TPMT: variants seen among roughly 807,000 people sequenced by gnomAD.
TPMT encodes S-adenosyl-L-methionine:thiopurine S-methyltransferase.
TPMT carries 18 observed loss-of-function variants against 34.2 expected under a neutral mutation model. That is an observed-to-expected ratio of 0.53 (90% CI 0.36 to 0.78). TPMT has a LOEUF of 0.78. Among genes scored for constraint, TPMT ranks in the 30% least tolerant of loss-of-function variants. The pLI, the probability that TPMT is intolerant of heterozygous loss-of-function variation, is 0.00. For synonymous variants in TPMT, 69 were observed against 92.4 expected (o/e 0.75, Z 1.45); for missense variants, 265 against 288.1 (o/e 0.92, Z 0.58).
At position 18,140,272 on chromosome 6, in the gene TPMT, G is replaced by A. The variant is rs1422568573; in HGVS notation, c.367-555C>T. 6.6e-6 allele frequency among the ~76,000 whole-genome samples: 1 copy of A among 152,200 alleles called. No individual in the cohort carries two copies. The highest frequency in any genetic ancestry group is 1.9e-4 in the East Asian group (1 of 5,200). ...AGTGAGGACAGACTAGAGCAGAGAAGCGTGGGCACAGAGAACATTACAATC... is the reference window on the plus strand; with the variant it reads ...AGTGAGGACAGACTAGAGCAGAGAAACGTGGGCACAGAGAACATTACAATC... On this transcript the variant is annotated intron_variant, in intron 4 of 8. Coordinates refer to ENST00000309983, the MANE Select transcript of TPMT (RefSeq NM_000367.5). This position sits in a 1 kb window ranked among gnomAD's most constrained non-coding sequence, Gnocchi z 4.7.
At position 18,143,007 on chromosome 6, in the gene TPMT, T is replaced by C. The variant is rs999044316; in HGVS notation, c.366+589A>G. On this transcript the variant is annotated intron_variant, in intron 4 of 8. Transcript: ENST00000309983. The surrounding 1 kb of genome is among the most constrained non-coding windows in gnomAD (Gnocchi z 6.1). ...AGGAGGCTACTTCCCTTCAAATCAC[T>C]TCCTATGAGGCCTCATGGGTGATTT... 7.9e-5 allele frequency among the ~76,000 whole-genome samples: 12 copies of C among 152,084 alleles called. No homozygotes were observed. The highest frequency in any genetic ancestry group is 4.6e-4 in the Admixed American group (7 of 15,274).
At chr6:18,133,983 C>T (rs571088066) in intron 6 of TPMT, 94 bp from the exon 7 acceptor site, 16 of 915,608 alleles carry the variant, frequency 1.7e-5, no homozygotes, top group East Asian at 7.5e-5. Flanking sequence ...AAGTTACTTT[C>T]GCTGATACTA....
rs1250914958 is a variant in TPMT, at chr6:18,131,297, C to T, written c.626-517G>A. Among the ~76,000 whole-genome samples, 1 of 151,976 alleles carries T rather than the reference C, an allele frequency of 6.6e-6. No individual in the cohort carries two copies. Among genetic ancestry groups the T allele is most frequent in the Non-Finnish European group, 1.5e-5 (1 of 67,990 alleles). ...CTCCCAAGAGTAAAAATAAATACACCACTGGGCATGGCGGCTCATGCCTCT... is the reference window on the plus strand; with the variant it reads ...CTCCCAAGAGTAAAAATAAATACACTACTGGGCATGGCGGCTCATGCCTCT... On this transcript the variant is annotated intron_variant, in intron 8 of 8. Coordinates refer to ENST00000309983, the MANE Select transcript of TPMT (RefSeq NM_000367.5). The surrounding 1 kb of genome is among the most constrained non-coding windows in gnomAD (Gnocchi z 4.3).
In TPMT at chr6:18,139,230, T is replaced by C. The variant is rs933145584; in HGVS notation, c.420-193A>G. Among the ~76,000 whole-genome samples, 7 of 152,190 alleles carry C rather than the reference T, an allele frequency of 4.6e-5. No individual in the cohort carries two copies. The highest frequency in any genetic ancestry group is 1.7e-4 in the African/African-American group (7 of 41,448). ...CCATCCCCTCATGGTTTTAGGAGCC[T>C]GTGGCAGCAGCCTCCCCACTCTGTT... On this transcript the variant is annotated intron_variant, in intron 5 of 8. Coordinates refer to ENST00000309983, the MANE Select transcript of TPMT (RefSeq NM_000367.5). This position sits in a 1 kb window ranked among gnomAD's most constrained non-coding sequence, Gnocchi z 4.2.
intron 4 of TPMT, among the ~76,000 whole-genome samples, chr6:18,141,733 C>A (rs929771642): frequency 4.5e-4 from 69 of 152,082 alleles, no homozygotes; most frequent in African/African-American, 1.7e-3. Flanking sequence ...CAACTCTGAC[C>A]CCACAACTGA....
intron 1 of TPMT, among the ~76,000 whole-genome samples, chr6:18,151,992 T>C (rs1784362663): frequency 6.6e-6 from 1 of 152,206 alleles, no homozygotes; most frequent in African/African-American, 2.4e-5. Flanking sequence ...CTCTTTGTTT[T>C]ACCCTTTCCA....
At position 18,139,177 on chromosome 6, in the gene TPMT, ATGTGTGG is replaced by A; in HGVS notation, c.420-147_420-141del. On this transcript the variant is annotated intron_variant, in intron 5 of 8. Coordinates refer to ENST00000309983, the MANE Select transcript of TPMT (RefSeq NM_000367.5). The surrounding 1 kb of genome is among the most constrained non-coding windows in gnomAD (Gnocchi z 4.2). ...CACGTCTGCGTTTCCTCCTAGAGGA[ATGTGTGG>A]ACCTGGGTGTGGAGAGCTGTCCATC... 6 of 812,732 alleles carry A rather than the reference ATGTGTGG, an allele frequency of 7.4e-6. No individual in the cohort carries two copies. The highest frequency in any genetic ancestry group is 1.3e-5 in the Non-Finnish European group (6 of 473,140). The allele number at this position is 812,732 out of a possible 1,614,324, so 50.3% of individuals were successfully genotyped here. A position where few individuals can be genotyped will look rare whatever the true frequency, so the allele number is the denominator to read the frequency against.
chr6:18,154,174 T>C lies in TPMT; in HGVS notation c.-45+859A>G, dbSNP rs1480760166. Among the ~76,000 whole-genome samples the C allele has an allele frequency of 2.6e-5, 4 of 152,142 alleles. No homozygotes were observed. The highest frequency in any genetic ancestry group is 9.7e-5 in the African/African-American group (4 of 41,416). ...CTCAACGTCTTAGCTGTTCTAACAG[T>C]TTCTCAGCATGGACTCCACTTGTAT... On this transcript the variant is annotated intron_variant, in intron 1 of 8. Coordinates refer to ENST00000309983, the MANE Select transcript of TPMT (RefSeq NM_000367.5). The surrounding 1 kb of genome is among the most constrained non-coding windows in gnomAD (Gnocchi z 4.2).
intron 3 of TPMT, among the ~76,000 whole-genome samples, chr6:18,144,935 G>A (rs557259040): frequency 6.6e-6 from 1 of 151,786 alleles, no homozygotes; most frequent in South Asian, 2.1e-4. Flanking sequence ...TGGCCAGGCT[G>A]GTCTCGAACT....
Position 18,149,861 on chromosome 6 carries a change from A to C in TPMT, c.-44-690T>G, listed in dbSNP as rs1013299987. ...TAATACACATTACAAGAGATCATTA[A>C]ATAAACTGAATTCTATCTTAATATT... is the stretch of plus-strand genomic sequence containing the variant. On this transcript the variant is annotated intron_variant, in intron 1 of 8. Coordinates refer to ENST00000309983, the MANE Select transcript of TPMT (RefSeq NM_000367.5). This position sits in a 1 kb window ranked among gnomAD's most constrained non-coding sequence, Gnocchi z 5.0. Among the ~76,000 whole-genome samples the C allele has an allele frequency of 3.9e-5, 6 of 152,228 alleles. No homozygotes were observed. Among genetic ancestry groups the C allele is most frequent in the African/African-American group, 1.4e-4 (6 of 41,460 alleles).
chr6:18,138,997 C>T lies in TPMT; in HGVS notation c.460G>A (p.Ala154Thr), dbSNP rs1800460. The T allele has an allele frequency of 0.035, 56,545 of 1,611,706 alleles. 1,261 individuals are homozygous for T. Among genetic ancestry groups the T allele is most frequent in the Admixed American group, 0.042 (2,509 of 59,994 alleles). ...GKFDMIWDRG[A>T]LVAINPGDRK... is the part of the protein sequence containing the mutation. ...TCACCTGGATTGATGGCAACTAATGCTCCTCTATCCCAAATCATGTCAAAT... is the reference window on the plus strand; with the variant it reads ...TCACCTGGATTGATGGCAACTAATGTTCCTCTATCCCAAATCATGTCAAAT... Residue 154 changes from alanine to threonine, a missense_variant, in exon 6 of 9, where the codon GCA becomes ACA. Transcript: ENST00000309983. The surrounding 1 kb of genome is among the most constrained non-coding windows in gnomAD (Gnocchi z 4.1).
Position 18,135,124 on chromosome 6 carries a change from A to AGGT in TPMT, c.495-1236_495-1235insACC. On this transcript the variant is annotated intron_variant, in intron 6 of 8. Coordinates refer to ENST00000309983, the MANE Select transcript of TPMT (RefSeq NM_000367.5). This position sits in a 1 kb window ranked among gnomAD's most constrained non-coding sequence, Gnocchi z 5.0. ...TTTCCTCACCTGTAACATGAGGATA[A>AGGT]GACTAATAACCACCTCACAAACTGT... 6.6e-6 allele frequency among the ~76,000 whole-genome samples: 1 copy of AGGT among 152,364 alleles called. No homozygotes were observed. The highest frequency in any genetic ancestry group is 2.4e-5 in the African/African-American group (1 of 41,596).
In TPMT at chr6:18,139,693, A is replaced by G; in HGVS notation, c.391T>C (p.Tyr131His). 1 of 1,613,672 alleles carries G rather than the reference A, an allele frequency of 6.2e-7. No individual in the cohort carries two copies. Among genetic ancestry groups the G allele is most frequent in the Non-Finnish European group, 8.5e-7 (1 of 1,179,868 alleles). The change falls in exon 5 of 9, where the codon TAC becomes CAC. Residue 131 changes from tyrosine to histidine, a missense_variant. Coordinates refer to ENST00000309983, the MANE Select transcript of TPMT (RefSeq NM_000367.5). The surrounding 1 kb of genome is among the most constrained non-coding windows in gnomAD (Gnocchi z 4.2). ...GGAAGATCAAAAATACTGCAACAGT[A>G]CAATGAAATGTTCCCCGAAGAACTC... ...FKSSSGNISL[Y>H]CCSIFDLPRT... is the part of the protein sequence containing the mutation.
In TPMT at chr6:18,129,808, G is replaced by A. The variant is rs1419592619; in HGVS notation, c.*860C>T. 1.3e-5 allele frequency: 2 copies of A among 152,146 alleles called. No individual in the cohort carries two copies. The highest frequency in any genetic ancestry group is 2.4e-5 in the African/African-American group (1 of 41,430). The allele number at this position is 152,146 out of a possible 1,614,324, so 9.4% of individuals were successfully genotyped here. On this transcript the variant is annotated 3_prime_UTR_variant, in exon 9 of 9. Transcript: ENST00000309983. Reference sequence around the variant, plus strand: ...GTATTTGTTTCTTGATTCTGTTACAGATTGTTTAATTAAAATTTGTTTCTT... The same window carrying A: ...GTATTTGTTTCTTGATTCTGTTACAAATTGTTTAATTAAAATTTGTTTCTT...
Position 18,132,240 on chromosome 6 carries a change from T to C in TPMT, c.581-63A>G. On this transcript the variant is annotated intron_variant, in intron 7 of 8. Transcript: ENST00000309983. This position sits in a 1 kb window ranked among gnomAD's most constrained non-coding sequence, Gnocchi z 4.8. ...ATGACGTAGGTGTACTTGTTCTACA[T>C]ACAACTTCATTATCCAAATAGGTGA... The C allele has an allele frequency of 6.8e-7, 1 of 1,479,006 alleles. No homozygotes were observed. The highest frequency in any genetic ancestry group is 9.4e-7 in the Non-Finnish European group (1 of 1,060,306). 91.6% of individuals were successfully genotyped at this position (1,479,006 alleles called of 1,614,324 possible).
Position 18,149,129 on chromosome 6 carries a change from G to GT in TPMT, c.-3dup. The GT allele has an allele frequency of 6.2e-7, 1 of 1,614,018 alleles. No individual in the cohort carries two copies. Among genetic ancestry groups the GT allele is most frequent in the South Asian group, 1.1e-5 (1 of 91,074 alleles). ...AAGTGAAGTTCTTGTACCATCCATAGTTTCAGAGACACCTTTGTCTCACAA... is the reference window on the plus strand; with the variant it reads ...AAGTGAAGTTCTTGTACCATCCATAGTTTTCAGAGACACCTTTGTCTCACAA... On this transcript the variant is annotated 5_prime_UTR_variant, in exon 2 of 9. Transcript: ENST00000309983. The surrounding 1 kb of genome is among the most constrained non-coding windows in gnomAD (Gnocchi z 5.0).
rs575452920 is a variant in TPMT at position 18,145,567 on chromosome 6, C to G, written c.234-1839G>C. On this transcript the variant is annotated intron_variant, in intron 3 of 8. Coordinates refer to ENST00000309983, the MANE Select transcript of TPMT (RefSeq NM_000367.5). The surrounding 1 kb of genome is among the most constrained non-coding windows in gnomAD (Gnocchi z 5.6). ...ACAAGTATAGCAGGACTGACTGTAC[C>G]TTTTATCTACAAAAGAGTACGTACT... Among the ~76,000 whole-genome samples, 3 of 152,210 alleles carry G rather than the reference C, an allele frequency of 2.0e-5. No individual in the cohort carries two copies. The highest frequency in any genetic ancestry group is 2.9e-5 in the Non-Finnish European group (2 of 68,024).
chr6:18,148,319 T>G lies in TPMT; in HGVS notation c.141-404A>C, dbSNP rs1784287074. Among the ~76,000 whole-genome samples the G allele has an allele frequency of 6.6e-6, 1 of 152,158 alleles. No individual in the cohort carries two copies. The highest frequency in any genetic ancestry group is 1.5e-5 in the Non-Finnish European group (1 of 68,036). ...GAGAAGTGTAACTCCTGTAGTTTCT[T>G]GTAATTCCCTCTGTGGAGATGTGGC... is the stretch of plus-strand genomic sequence containing the variant. On this transcript the variant is annotated intron_variant, in intron 2 of 8. Transcript: ENST00000309983. The surrounding 1 kb of genome is among the most constrained non-coding windows in gnomAD (Gnocchi z 4.1).
Position 18,132,082 on chromosome 6 carries a change from G to A in TPMT, c.625+51C>T, listed in dbSNP as rs777723008. 1 of 1,602,336 alleles carries A rather than the reference G, an allele frequency of 6.2e-7. No individual in the cohort carries two copies. Among genetic ancestry groups the A allele is most frequent in the East Asian group, 2.2e-5 (1 of 44,788 alleles). ...ATGAGCCAGCACGCCAGGCCCAAAA[G>A]AGTTAACTTGACTTTGTTTAAAAAG... On this transcript the variant is annotated intron_variant, in intron 8 of 8. Coordinates refer to ENST00000309983, the MANE Select transcript of TPMT (RefSeq NM_000367.5). This position sits in a 1 kb window ranked among gnomAD's most constrained non-coding sequence, Gnocchi z 4.8.
Sources: gnomAD v4.1 joint callset for allele counts (sites outside exome capture counted in the v4.1 genomes callset) on GRCh38, gnomAD v4.1.1 for gene constraint, Gnocchi (gnomAD v3.1) non-coding constraint, MANE v1.5 for transcripts, NCBI Gene and HGNC (gene_info 2026-07-23, HGNC 2026-07-21) for gene names.